Variants in IAH1 observed in about 807,000 individuals in gnomAD.
IAH1 encodes the protein isoamyl acetate hydrolyzing esterase 1 (putative), also known as isoamyl acetate-hydrolyzing esterase 1 homolog.
In IAH1, 24 loss-of-function variants were observed where a neutral mutation model predicts 26.7. That is an observed-to-expected ratio of 0.90 (90% CI 0.65 to 1.26). The LOEUF (loss-of-function observed/expected upper bound fraction) is 1.26, where lower values mean the gene tolerates loss of function less well. Ranked by LOEUF, IAH1 falls within the 50% of genes most tolerant of loss-of-function variation. The pLI is 0.00. For synonymous variants in IAH1, 140 were observed against 118.5 expected (o/e 1.18, Z -1.18); for missense variants, 300 against 299.9 (o/e 1.00, Z 0.00).
chr2:9,490,160 A>G, downstream of IAH1: 1 of 1,575,388 alleles, frequency 6.3e-7, no homozygotes, highest in South Asian at 1.1e-5. Flanking sequence ...CTTAAGTCAG[A>G]AGAGCTGAGA....
intron 4 of IAH1, among the ~76,000 whole-genome samples, chr2:9,481,741 G>A (rs935016110): frequency 6.6e-6 from 1 of 152,120 alleles, no homozygotes; most frequent in African/African-American, 2.4e-5. Context: ...AGGCCACTGA[G>A]ATCTGTGTAG....
chr2:9,494,498 A>G (rs1191986385), downstream of IAH1: 3 of 965,378 alleles, frequency 3.1e-6, no homozygotes, highest in Non-Finnish European at 4.5e-6. Flanking sequence ...CCTCCTAAGT[A>G]ATACCCGTAG....
the IAH1 span, chr2:9,502,044 C>A: frequency 1.2e-6 from 1 of 808,802 alleles, no homozygotes. Flanking sequence ...TAAGGAGTGC[C>A]AGAAACTCAA....
chr2:9,503,836 T>G, the IAH1 span, among the ~76,000 whole-genome samples: 2 of 70,392 alleles, frequency 2.8e-5, no homozygotes, highest in Admixed American at 1.2e-4. Flanking sequence ...AGACTCCGTC[T>G]CAAAAAAAAA....
Position 9,478,369 on chromosome 2 carries a change from A to T in IAH1, c.282A>T (p.Lys94Asn). 1 of 1,588,836 alleles carries T rather than the reference A, an allele frequency of 6.3e-7. No homozygotes were observed. The highest frequency in any genetic ancestry group is 8.6e-7 in the Non-Finnish European group (1 of 1,167,692). Reference protein sequence around the residue: ...IFFGANDSALKDENPKQHIPL... With the variant: ...IFFGANDSALNDENPKQHIPL... The stretch of plus-strand genomic sequence containing the variant: ...TTGGGGCCAATGACAGTGCACTAAA[A>T]GGTAAAAGCATTTTTGATGTTCTTC... The change falls in exon 3 of 6, where the codon AAA (lysine) becomes AAT (asparagine). Residue 94 changes from lysine (K) to asparagine (N), a missense_variant and splice_region_variant. By Grantham distance (94) the Lys-to-Asn change is moderately conservative. Transcript: ENST00000497473.
intron 2 of IAH1, among the ~76,000 whole-genome samples, 191 bp from the exon 3 acceptor site, chr2:9,478,031 G>T (rs1014111177): frequency 9.2e-5 from 14 of 152,110 alleles, no homozygotes; most frequent in Non-Finnish European, 2.1e-4. Context: ...GTATTTACCT[G>T]TATCTTTGAA....
chr2:9,511,447 T>G, the IAH1 span, among the ~76,000 whole-genome samples: 1 of 151,248 alleles, frequency 6.6e-6, no homozygotes, highest in Admixed American at 6.6e-5. Context: ...TGAAACTCTA[T>G]CTTAAAAAAA....
chr2:9,486,397 T>G (rs749367474), intron 5 of IAH1: 3 of 152,200 alleles, frequency 2.0e-5, no homozygotes, highest in Non-Finnish European at 2.9e-5. Flanking sequence ...TTTGCTCACA[T>G]GTCTTTTTCA....
downstream of IAH1, chr2:9,490,516 G>A (rs775368008): frequency 1.2e-5 from 20 of 1,609,394 alleles, no homozygotes; most frequent in Admixed American, 8.4e-5. Flanking sequence ...GCATTTCGAC[G>A]TTCTGCAAAG....
intron 1 of IAH1, chr2:9,475,306 C>T (rs929290263): frequency 6.4e-6 from 5 of 778,762 alleles, no homozygotes; most frequent in East Asian, 1.3e-4. Context: ...TTTGTGTATA[C>T]GCCAGTAACT....
chr2:9,494,539 C>G (rs1662412847), downstream of IAH1: 5 of 1,415,968 alleles, frequency 3.5e-6, no homozygotes, highest in South Asian at 5.1e-5. Context: ...TGTAGCCCCA[C>G]TTGTGTTTTG....
chr2:9,512,048 G>C, the IAH1 span, among the ~76,000 whole-genome samples: 1 of 151,456 alleles, frequency 6.6e-6, no homozygotes, highest in African/African-American at 2.4e-5. Flanking sequence ...TTTTCCTAAG[G>C]GGGGGAAATC....
chr2:9,487,833 T>TGTGTGTGC (rs1192269311), intron 5 of IAH1, among the ~76,000 whole-genome samples: 78 of 82,732 alleles, frequency 9.4e-4, no homozygotes, highest in African/African-American at 2.5e-3. Flanking sequence ...TGTGTGTGTG[T>TGTGTGTGC]GCGCGCGCGC....
At chr2:9,503,711 C>G in the IAH1 span, among the ~76,000 whole-genome samples, 3 of 151,434 alleles carry the variant, frequency 2.0e-5, no homozygotes, top group Admixed American at 6.6e-5. Flanking sequence ...TGGTGGTGCA[C>G]ACTGTAATCC....
At chr2:9,487,226 A>G (rs1181468858) in intron 5 of IAH1, among the ~76,000 whole-genome samples, 1 of 152,138 alleles carries the variant, frequency 6.6e-6, no homozygotes, top group Non-Finnish European at 1.5e-5. Flanking sequence ...TGGGCAGCAA[A>G]GCAAGACCCT....
chr2:9,503,446 G>A, the IAH1 span, among the ~76,000 whole-genome samples: 1 of 152,182 alleles, frequency 6.6e-6, no homozygotes, highest in East Asian at 1.9e-4. Flanking sequence ...TCCCAAGACT[G>A]TCATTTTGAT....
chr2:9,491,069 A>C, downstream of IAH1: 2 of 1,600,866 alleles, frequency 1.2e-6, no homozygotes, highest in Non-Finnish European at 1.7e-6. Context: ...AGACCAGGCG[A>C]AGATTATGTT....
chr2:9,478,176 A>G, intron 2 of IAH1, 46 bp from the exon 3 acceptor site: 1 of 1,553,072 alleles, frequency 6.4e-7, no homozygotes. Context: ...TGCGACCATA[A>G]ACACTTCTTG....
intron 6 of IAH1, chr2:9,494,947 A>G: frequency 1.6e-6 from 1 of 625,786 alleles, no homozygotes; most frequent in East Asian, 3.1e-5. Context: ...CACACTCCTC[A>G]GCCTTCAGTG....
Sources: allele counts gnomAD v4.1 joint callset (sites outside exome capture counted in the v4.1 genomes callset), GRCh38; gene constraint gnomAD v4.1.1; transcripts MANE v1.5; gene names NCBI Gene and HGNC (gene_info 2026-07-23, HGNC 2026-07-21).